PAK5: variants seen among roughly 807,000 people sequenced by gnomAD.
PAK5 encodes p21 (RAC1) activated kinase 5, also known as serine/threonine-protein kinase PAK 5.
A neutral mutation model predicts 65.9 loss-of-function variants in PAK5; 16 were observed. That is an observed-to-expected ratio of 0.24 (90% CI 0.16 to 0.37). The LOEUF is 0.37. PAK5 is among the 10% of genes least tolerant of loss of function. The probability of loss-of-function intolerance (pLI) is 1.00; values close to 1 mark genes in which losing one functional copy is unlikely to be tolerated. For missense variants in PAK5, 785 were observed against 903.9 expected, an observed-to-expected ratio of 0.87 and a Z score of 1.69; for synonymous variants, 371 against 354.9, an observed-to-expected ratio of 1.05 and a Z score of -0.51.
chr20:9,676,692 T>A (rs2047576885), intron 2 of PAK5, among the ~76,000 whole-genome samples: 1 of 152,190 alleles, frequency 6.6e-6, no homozygotes, highest in Non-Finnish European at 1.5e-5. Flanking sequence ...GGTAGATCAG[T>A]ATACACACAT....
Position 9,744,220 on chromosome 20 carries a change from T to C in PAK5, c.-161-32785A>G, listed in dbSNP as rs556420881. On this transcript the variant is annotated intron_variant, in intron 1 of 9. Coordinates refer to ENST00000353224, the MANE Select transcript of PAK5 (RefSeq NM_177990.4). ...CTGAGAGAATAGATGTCAACTGTTTTAAGCCACCATGTTTGAGGTAATTGG... is the reference window on the plus strand; with the variant it reads ...CTGAGAGAATAGATGTCAACTGTTTCAAGCCACCATGTTTGAGGTAATTGG... 6.6e-5 allele frequency among the ~76,000 whole-genome samples: 10 copies of C among 152,322 alleles called. No individual in the cohort carries two copies. In the South Asian group the frequency reaches 2.1e-3, roughly 32 times the overall value.
intron 1 of PAK5, among the ~76,000 whole-genome samples, chr20:9,722,076 T>C (rs377676123): frequency 6.6e-6 from 1 of 151,952 alleles, no homozygotes; most frequent in East Asian, 1.9e-4. Flanking sequence ...AGAATGAGAG[T>C]GACAGAAAAT....
chr20:9,752,569 T>A (rs1389349298), intron 1 of PAK5, among the ~76,000 whole-genome samples: 2 of 152,140 alleles, frequency 1.3e-5, no homozygotes, highest in Non-Finnish European at 2.9e-5. Flanking sequence ...CCTATTACTC[T>A]GATTTGATCA....
chr20:9,664,239 T>C (rs2047383177), intron 2 of PAK5, among the ~76,000 whole-genome samples: 1 of 152,170 alleles, frequency 6.6e-6, no homozygotes, highest in African/African-American at 2.4e-5. Context: ...ACCAAGAGTG[T>C]AGAGCTTTAA....
intron 3 of PAK5, among the ~76,000 whole-genome samples, chr20:9,615,305 A>C (rs1181329506): frequency 6.6e-6 from 1 of 152,204 alleles, no homozygotes; most frequent in Non-Finnish European, 1.5e-5. Context: ...GTGAACCCTG[A>C]TGTGAACTAT....
chr20:9,585,196 C>G (rs1465706631), intron 3 of PAK5, among the ~76,000 whole-genome samples: 1 of 152,052 alleles, frequency 6.6e-6, no homozygotes, highest in Non-Finnish European at 1.5e-5. Flanking sequence ...TTCTTGCCTG[C>G]CCCCCATGCC....
At chr20:9,608,622 C>A (rs568657969) in intron 3 of PAK5, among the ~76,000 whole-genome samples, 1 of 152,342 alleles carries the variant, frequency 6.6e-6, no homozygotes, top group South Asian at 2.1e-4. Context: ...CAAATATCTT[C>A]TCTGCATGAG....
At chr20:9,757,575 A>G (rs2123636903) in intron 1 of PAK5, among the ~76,000 whole-genome samples, 1 of 152,296 alleles carries the variant, frequency 6.6e-6, no homozygotes, top group East Asian at 1.9e-4. Context: ...CAGAGTTCAG[A>G]GGTTCTGAGA....
At chr20:9,592,851 A>G (rs940593892) in intron 3 of PAK5, among the ~76,000 whole-genome samples, 2 of 152,188 alleles carry the variant, frequency 1.3e-5, no homozygotes, top group African/African-American at 4.8e-5. Context: ...TAAGGGAGAG[A>G]GAACAGGTGT....
chr20:9,720,351 A>T (rs749023973), intron 1 of PAK5, among the ~76,000 whole-genome samples: 1 of 152,214 alleles, frequency 6.6e-6, no homozygotes, highest in Non-Finnish European at 1.5e-5. Flanking sequence ...AAACCCTTTC[A>T]TATTACAAGT....
chr20:9,820,641 C>G (rs2049408581), intron 1 of PAK5, among the ~76,000 whole-genome samples: 1 of 152,210 alleles, frequency 6.6e-6, no homozygotes, highest in African/African-American at 2.4e-5. Flanking sequence ...CTTCCTGCCT[C>G]TTCCAGTCCA....
intron 2 of PAK5, among the ~76,000 whole-genome samples, chr20:9,645,892 C>G (rs989674084): frequency 5.3e-5 from 8 of 152,140 alleles, no homozygotes; most frequent in African/African-American, 1.4e-4. Context: ...AGCCTATCTT[C>G]CTACACTTCT....
chr20:9,801,263 C>G (rs1221018431), intron 1 of PAK5, among the ~76,000 whole-genome samples: 1 of 152,038 alleles, frequency 6.6e-6, no homozygotes, highest in Non-Finnish European at 1.5e-5. Flanking sequence ...CAAATATTTA[C>G]TAGCCATGGG....
intron 1 of PAK5, among the ~76,000 whole-genome samples, chr20:9,823,283 T>A (rs1369882529): frequency 6.6e-6 from 1 of 152,184 alleles, no homozygotes; most frequent in East Asian, 1.9e-4. Flanking sequence ...CCTCTAGAAC[T>A]ATGAGAAATA....
At chr20:9,713,064 G>A (rs945127469) in intron 1 of PAK5, among the ~76,000 whole-genome samples, 2 of 151,938 alleles carry the variant, frequency 1.3e-5, no homozygotes, top group Non-Finnish European at 2.9e-5. Context: ...GGAAACAATC[G>A]ACAAAGTTAA....
At chr20:9,654,599 A>G (rs992377824) in intron 2 of PAK5, among the ~76,000 whole-genome samples, 8 of 152,008 alleles carry the variant, frequency 5.3e-5, no homozygotes, top group African/African-American at 1.2e-4. Flanking sequence ...TTTGAAAAAT[A>G]TAAGTCTGTA....
At chr20:9,577,408 CAT>C (rs1491242591) in intron 4 of PAK5, 11 of 151,922 alleles carry the variant, frequency 7.2e-5, no homozygotes, top group Admixed American at 2.6e-4. Context: ...TACACACACA[CAT>C]GTGTACACAC....
intron 2 of PAK5, among the ~76,000 whole-genome samples, chr20:9,696,120 A>G (rs1007409232): frequency 1.3e-5 from 2 of 152,116 alleles, no homozygotes; most frequent in African/African-American, 2.4e-5. Flanking sequence ...ACCCAGCCAT[A>G]GACAGTTACA....
intron 3 of PAK5, among the ~76,000 whole-genome samples, chr20:9,610,817 G>C (rs2046544955): frequency 6.6e-6 from 1 of 152,158 alleles, no homozygotes; most frequent in Non-Finnish European, 1.5e-5. Flanking sequence ...GTGTGAGGTG[G>C]GGCTGTCAGG....
Sources: gnomAD v4.1 joint callset for allele counts (sites outside exome capture counted in the v4.1 genomes callset) on GRCh38, gnomAD v4.1.1 for gene constraint, MANE v1.5 for transcripts, NCBI Gene and HGNC (gene_info 2026-07-23, HGNC 2026-07-21) for gene names.